The following DCBLD2 variants were observed in gnomAD, a reference collection of about 807,000 sequenced individuals.
DCBLD2 encodes the protein discoidin, CUB and LCCL domain containing 2.
In DCBLD2, 54 loss-of-function variants were observed where a neutral mutation model predicts 86.8. That is an observed-to-expected ratio of 0.62 (90% CI 0.50 to 0.78). The LOEUF (loss-of-function observed/expected upper bound fraction) is 0.78. DCBLD2 is among the 30% of genes least tolerant of loss of function. DCBLD2 has a pLI of 0.00. For missense variants in DCBLD2, 908 were observed against 954.2 expected, an observed-to-expected ratio of 0.95 and a Z score of 0.64; for synonymous variants, 354 against 341.3, an observed-to-expected ratio of 1.04 and a Z score of -0.41.
chr3:98,849,883 G>A (rs1367885496), intron 2 of DCBLD2, among the ~76,000 whole-genome samples: 1 of 15,932 alleles, frequency 6.3e-5, no homozygotes, highest in African/African-American at 1.1e-4. Context: ...ACAATAATGA[G>A]GGACTAAAAA....
rs1426968045 is a variant in DCBLD2, at chr3:98,798,936, T to C, written c.*436A>G. The C allele has an allele frequency of 6.5e-6, 1 of 154,818 alleles. No homozygotes were observed. The highest frequency in any genetic ancestry group is 1.4e-5 in the Non-Finnish European group (1 of 69,624). 9.6% of individuals were successfully genotyped at this position (154,818 alleles called of 1,614,324 possible). Reference sequence around the variant, plus strand: ...ATAGGAATAGAAGAGGAAATCATGATAGTACCCATCTTTCACAAACAGACT... The same window carrying C: ...ATAGGAATAGAAGAGGAAATCATGACAGTACCCATCTTTCACAAACAGACT... On this transcript the variant is annotated 3_prime_UTR_variant, in exon 16 of 16. Transcript: ENST00000326840.
At chr3:98,818,876 C>T (rs554634397) in intron 8 of DCBLD2, among the ~76,000 whole-genome samples, 1 of 152,144 alleles carries the variant, frequency 6.6e-6, no homozygotes, top group South Asian at 2.1e-4. Context: ...GGAATGGCTT[C>T]CTTGCTCCTC....
At chr3:98,828,776 GGATA>G (rs150252173) in intron 3 of DCBLD2, among the ~76,000 whole-genome samples, 2,646 of 152,214 alleles carry the variant, frequency 0.017, 46 homozygotes, top group African/African-American at 0.05. Flanking sequence ...ACTGATGAAT[GGATA>G]GATAAACAAA....
rs776324876 is a variant in DCBLD2, at chr3:98,799,397, C to T, written c.2303G>A (p.Cys768Tyr). ...EVSGAGRDGECDVFKEIL is the reference protein window; with the variant it reads ...EVSGAGRDGEYDVFKEIL ...TCAAAGGATTTCTTTAAAAACATCACATTCCCCATCCCTTCCTGCTCCTGA... is the reference window on the plus strand; with the variant it reads ...TCAAAGGATTTCTTTAAAAACATCATATTCCCCATCCCTTCCTGCTCCTGA... The change falls in exon 16 of 16, where the codon TGT becomes TAT. Residue 768 changes from cysteine to tyrosine, a missense_variant. This residue lies in a region of DCBLD2 where 606 missense variants were observed against 678.5 expected (regional missense o/e 0.89). Coordinates refer to ENST00000326840, the MANE Select transcript of DCBLD2 (RefSeq NM_080927.4). The T allele has an allele frequency of 1.2e-6, 2 of 1,610,042 alleles. No individual in the cohort carries two copies. The highest frequency in any genetic ancestry group is 1.7e-6 in the Non-Finnish European group (2 of 1,177,082).
chr3:98,894,937 G>A (rs1402673896), intron 1 of DCBLD2, among the ~76,000 whole-genome samples: 1 of 152,062 alleles, frequency 6.6e-6, no homozygotes, highest in Admixed American at 6.5e-5. Context: ...ATCCGGAGAT[G>A]AGTGTGTGGG....
rs542567156 is a variant in DCBLD2 at position 98,883,808 on chromosome 3, T to C, written c.206-2041A>G. Among the ~76,000 whole-genome samples, 8 of 152,300 alleles carry C rather than the reference T, an allele frequency of 5.3e-5. No homozygotes were observed. In the South Asian group the frequency reaches 1.7e-3, roughly 32 times the overall value. ...TATTAAAAGTGACACTGCTGAGTTC[T>C]AAACTCAATATGGACACAGAGGGCT... On this transcript the variant is annotated intron_variant, in intron 1 of 15. Transcript: ENST00000326840.
Position 98,901,235 on chromosome 3 carries a change from G to A in DCBLD2, c.92C>T (p.Pro31Leu). Residue 31 changes from proline to leucine, a missense_variant, in exon 1 of 16, where the codon CCC becomes CTC. Around this residue, in one of 3 missense-constraint regions of DCBLD2, gnomAD observed 294 missense variants for 256.0 expected, o/e 1.15. Transcript: ENST00000326840. ...AAAAPAWAAL[P>L]LSRSLPPCSN... ...GCAGGGAGGGAGGGAGCGGGAGAGG[G>A]GGAGCGCGGCCCAGGCGGGGGCGGC... 6.5e-7 allele frequency: 1 copy of A among 1,534,840 alleles called. No homozygotes were observed. Among genetic ancestry groups the A allele is most frequent in the African/African-American group, 1.4e-5 (1 of 73,104 alleles).
chr3:98,805,427 C>T (rs1229922173), intron 13 of DCBLD2, among the ~76,000 whole-genome samples: 1 of 152,098 alleles, frequency 6.6e-6, no homozygotes, highest in Non-Finnish European at 1.5e-5. Context: ...GCTAGGACAA[C>T]AAATTTATGG....
intron 9 of DCBLD2, 95 bp from the exon 10 acceptor site, chr3:98,812,577 C>G (rs757908085): frequency 6.5e-6 from 7 of 1,074,644 alleles, no homozygotes; most frequent in Non-Finnish European, 7.9e-6. Flanking sequence ...TGCTCTAGGC[C>G]TTAAATTACA....
At chr3:98,805,951 C>T (rs889274650) in intron 13 of DCBLD2, among the ~76,000 whole-genome samples, 1 of 152,150 alleles carries the variant, frequency 6.6e-6, no homozygotes, top group East Asian at 1.9e-4. Context: ...TCCCCTCTGC[C>T]CATGTACTAG....
At chr3:98,870,737 A>AAGAAAGAAAGAAAGAGAAAG (rs60463776) in intron 2 of DCBLD2, among the ~76,000 whole-genome samples, 5 of 69,822 alleles carry the variant, frequency 7.2e-5, no homozygotes, top group African/African-American at 2.9e-4. Flanking sequence ...AAAAGAAAGA[A>AAGAAAGAAAGAAAGAGAAAG]AAAGAAAGAA....
In DCBLD2 at chr3:98,825,643, TTATATATATATATATA is replaced by T. The variant is rs56736194; in HGVS notation, c.572-293_572-278del. Among the ~76,000 whole-genome samples, 318 of 115,088 alleles carry T rather than the reference TTATATATATATATATA, an allele frequency of 2.8e-3. 2 individuals carry two copies. Among genetic ancestry groups the T allele is most frequent in the Admixed American group, 0.01 (94 of 9,386 alleles). 75.5% of individuals were successfully genotyped at this position (115,088 alleles called of 152,430 possible). A position where few individuals can be genotyped will look rare whatever the true frequency, so the allele number is the denominator to read the frequency against. The stretch of plus-strand genomic sequence containing the variant: ...TACACACATATATGTATATGTGTAT[TTATATATATATATATA>T]TATATATATATATATATATATTTAG... On this transcript the variant is annotated intron_variant, in intron 3 of 15. Coordinates refer to ENST00000326840, the MANE Select transcript of DCBLD2 (RefSeq NM_080927.4).
At chr3:98,830,780 A>G (rs1430496004) in intron 3 of DCBLD2, among the ~76,000 whole-genome samples, 1 of 152,172 alleles carries the variant, frequency 6.6e-6, no homozygotes, top group East Asian at 1.9e-4. Flanking sequence ...GAAGAATGTC[A>G]TTGGAAGTTT....
chr3:98,801,810 G>T (rs1941726280), intron 13 of DCBLD2, 161 bp from the exon 14 acceptor site: 5 of 519,296 alleles, frequency 9.6e-6, no homozygotes, highest in Non-Finnish European at 1.7e-5. Flanking sequence ...GCGGTGTTTG[G>T]TTTTTTGTCC....
intron 8 of DCBLD2, 24 bp downstream of exon 8, chr3:98,819,178 T>G: frequency 1.3e-6 from 2 of 1,531,942 alleles, no homozygotes; most frequent in Non-Finnish European, 1.8e-6. Flanking sequence ...TACAAATTGC[T>G]TTAGAAAATT....
rs1459005169 is a variant in DCBLD2, at chr3:98,844,062, A to ACACACACACACACACACC, written c.571+5398_571+5399insGGTGTGTGTGTGTGTGTG. Among the ~76,000 whole-genome samples, 406 of 144,100 alleles carry ACACACACACACACACACC rather than the reference A, an allele frequency of 2.8e-3. 2 individuals are homozygous for ACACACACACACACACACC. Among genetic ancestry groups the ACACACACACACACACACC allele is most frequent in the Admixed American group, 4.9e-3 (70 of 14,400 alleles). 94.5% of individuals were successfully genotyped at this position (144,100 alleles called of 152,430 possible). On this transcript the variant is annotated intron_variant, in intron 3 of 15. Transcript: ENST00000326840. ...CACACACACACACACACACACACACACCCCAATTATGGTACATATGAATAA... is the reference window on the plus strand; with the variant it reads ...CACACACACACACACACACACACACACACACACACACACACACCCCCCAATTATGGTACATATGAATAA...
chr3:98,899,793 A>T (rs1254120793), intron 1 of DCBLD2, among the ~76,000 whole-genome samples: 2 of 152,146 alleles, frequency 1.3e-5, no homozygotes, highest in Non-Finnish European at 2.9e-5. Context: ...AGCTGATTGT[A>T]GTGAAGATTC....
chr3:98,812,006 C>A (rs1941947615), intron 10 of DCBLD2, among the ~76,000 whole-genome samples: 1 of 152,156 alleles, frequency 6.6e-6, no homozygotes, highest in South Asian at 2.1e-4. Context: ...TTGTTACAAT[C>A]TTTCATGCTT....
At position 98,849,196 on chromosome 3, in the gene DCBLD2, C is replaced by T. The variant is rs140349970; in HGVS notation, c.571+265G>A. 1.5e-3 allele frequency among the ~76,000 whole-genome samples: 221 copies of T among 151,844 alleles called. 2 individuals carry two copies. In the East Asian group the frequency reaches 0.017, roughly 11 times the overall value. On this transcript the variant is annotated intron_variant, in intron 3 of 15. Transcript: ENST00000326840. ...AAAAAAAAAAAAAGTTATTATAGCT[C>T]GTGTTCCAATCTTATAAAAATAAAA...
Sources: allele counts gnomAD v4.1 joint callset (sites outside exome capture counted in the v4.1 genomes callset), GRCh38; gene constraint gnomAD v4.1.1; regional missense constraint gnomAD v4.1.1; transcripts MANE v1.5; gene names NCBI Gene and HGNC (gene_info 2026-07-23, HGNC 2026-07-21).